The following SYNE1 variants were observed in gnomAD, a reference collection of about 807,000 sequenced individuals.
The protein encoded by SYNE1 is spectrin repeat containing nuclear envelope protein 1.
A neutral mutation model predicts 1,111.0 loss-of-function variants in SYNE1; 616 were observed. That is an observed-to-expected ratio of 0.55 (90% CI 0.52 to 0.59). The LOEUF (loss-of-function observed/expected upper bound fraction) is 0.59. SYNE1 is among the 20% of genes least tolerant of loss of function. The probability of loss-of-function intolerance (pLI) is 0.00; values close to 1 mark genes in which losing one functional copy is unlikely to be tolerated. For synonymous variants in SYNE1, 3,855 were observed against 3,825.8 expected (o/e 1.01, Z -0.28); for missense variants, 10,006 against 10,417.0 (o/e 0.96, Z 1.72).
chr6:152,490,567 T>C (rs548400555), intron 11 of SYNE1, among the ~76,000 whole-genome samples: 86 of 152,162 alleles, frequency 5.7e-4, no homozygotes, highest in Non-Finnish European at 9.7e-4. Context: ...CCTGCCTCTG[T>C]CTGCAAGAGA....
Position 152,350,659 on chromosome 6 carries a change from G to T in SYNE1, c.11692C>A (p.Gln3898Lys), listed in dbSNP as rs768435800. 23 of 1,613,908 alleles carry T rather than the reference G, an allele frequency of 1.4e-5. No individual in the cohort carries two copies. Among genetic ancestry groups the T allele is most frequent in the Non-Finnish European group, 1.9e-5 (23 of 1,180,006 alleles). ...AGGTCCTGGTAATCACTTTGAAGTT[G>T]ATCTATTTTGTCCTTTAAAGTGACG... The part of the protein sequence containing the change: ...QDVTLKDKID[Q>K]LQSDYQDLCS... The change falls in exon 71 of 146, where the codon CAA (glutamine) becomes AAA (lysine). Residue 3898 changes from glutamine (Q) to lysine (K), a missense_variant. Gln to Lys is a moderately conservative substitution (Grantham distance 53, BLOSUM62 1). Around this residue, in one of 7 missense-constraint regions of SYNE1, gnomAD observed 4,955 missense variants for 5,017.2 expected, o/e 0.99. Transcript: ENST00000367255.
At position 152,325,309 on chromosome 6, in the gene SYNE1, T is replaced by C; in HGVS notation, c.15439-7A>G. On this transcript the variant is annotated splice_polypyrimidine_tract_variant and splice_region_variant and intron_variant, in intron 80 of 145. Transcript: ENST00000367255. ...TAACCACTGACACTAAAGCCTAGGG[T>C]TGGGGGTGGAGGACGGAAGAGAGGA... 2 of 1,613,840 alleles carry C rather than the reference T, an allele frequency of 1.2e-6. No homozygotes were observed. The highest frequency in any genetic ancestry group is 1.7e-6 in the Non-Finnish European group (2 of 1,179,802).
intron 139 of SYNE1, 108 bp from the exon 140 acceptor site, chr6:152,140,269 A>G (rs1343927226): frequency 2.7e-6 from 3 of 1,096,808 alleles, no homozygotes; most frequent in Admixed American, 1.8e-5. Context: ...ACAGAAAGAA[A>G]AGTAATTCCA....
At chr6:152,234,228 A>G (rs1368621046) in intron 111 of SYNE1, among the ~76,000 whole-genome samples, 1 of 152,202 alleles carries the variant, frequency 6.6e-6, no homozygotes, top group East Asian at 1.9e-4. Context: ...CATAGTCAAC[A>G]TTAATATATT....
At chr6:152,207,394 G>T (rs1326587121) in intron 125 of SYNE1, among the ~76,000 whole-genome samples, 6 of 152,152 alleles carry the variant, frequency 3.9e-5, no homozygotes, top group African/African-American at 1.4e-4. Context: ...CTGCTGGCAG[G>T]GGGCAGTTGA....
intron 144 of SYNE1, among the ~76,000 whole-genome samples, chr6:152,131,080 T>C (rs1460811285): frequency 6.6e-6 from 1 of 152,148 alleles, no homozygotes; most frequent in African/African-American, 2.4e-5. Flanking sequence ...ATACAATAAA[T>C]GTAAAATGCA....
At chr6:152,277,224 C>G (rs2093689699) in intron 98 of SYNE1, among the ~76,000 whole-genome samples, 1 of 146,804 alleles carries the variant, frequency 6.8e-6, no homozygotes, top group Non-Finnish European at 1.5e-5. Context: ...TCCTCCCCAA[C>G]AAGAAGATTG....
At position 152,450,766 on chromosome 6, in the gene SYNE1, C is replaced by T. The variant is rs745397084; in HGVS notation, c.3254G>A (p.Cys1085Tyr). The change falls in exon 27 of 146, where the codon TGT (cysteine) becomes TAT (tyrosine). Residue 1085 changes from cysteine (C) to tyrosine (Y), a missense_variant. Physicochemically the swap from Cys to Tyr is radical, Grantham distance 194 (BLOSUM62 -2). Transcript: ENST00000367255. The part of the protein sequence containing the change: ...EKRLQLIEEL[C>Y]VKLPVRDPVR... ...TGGGTCCCGCACTGGGAGTTTCACA[C>T]AGAGTTCCTCGATGAGCTGTAACCT... 1 of 1,613,978 alleles carries T rather than the reference C, an allele frequency of 6.2e-7. No individual in the cohort carries two copies. Among genetic ancestry groups the T allele is most frequent in the Non-Finnish European group, 8.5e-7 (1 of 1,180,016 alleles).
At chr6:152,453,875 ATG>A (rs1442014263) in intron 24 of SYNE1, among the ~76,000 whole-genome samples, 155 bp from the exon 25 acceptor site, 1 of 152,186 alleles carries the variant, frequency 6.6e-6, no homozygotes, top group Non-Finnish European at 1.5e-5. Flanking sequence ...AGGATGAACT[ATG>A]TGCACCTATA....
At chr6:152,413,910 A>G (rs1326124185) in intron 41 of SYNE1, among the ~76,000 whole-genome samples, 2 of 151,998 alleles carry the variant, frequency 1.3e-5, no homozygotes, top group Non-Finnish European at 2.9e-5. Context: ...ATGAGGTTCA[A>G]TCCATGTAAA....
Position 152,560,119 on chromosome 6 carries a change from G to A in SYNE1, c.68-20098C>T, listed in dbSNP as rs569448770. Among the ~76,000 whole-genome samples the A allele has an allele frequency of 1.4e-3, 208 of 152,252 alleles. 6 individuals are homozygous for A. In the South Asian group the frequency reaches 0.04, roughly 29 times the overall value. Reference sequence around the variant, plus strand: ...CGAAATCCCAGCACTGTGGGAGGCCGAGGTGGGCAGATCACTTGAGGTCAG... The same window carrying A: ...CGAAATCCCAGCACTGTGGGAGGCCAAGGTGGGCAGATCACTTGAGGTCAG... On this transcript the variant is annotated intron_variant, in intron 3 of 145. Coordinates refer to ENST00000367255, the MANE Select transcript of SYNE1 (RefSeq NM_182961.4).
At chr6:152,506,594 T>G (rs145516164) in intron 8 of SYNE1, among the ~76,000 whole-genome samples, 1 of 151,782 alleles carries the variant, frequency 6.6e-6, no homozygotes, top group Admixed American at 6.6e-5. Flanking sequence ...CAGGCTGGAG[T>G]GCAGTGGCAC....
intron 3 of SYNE1, among the ~76,000 whole-genome samples, chr6:152,575,454 C>T (rs2099492512): frequency 6.6e-6 from 1 of 152,194 alleles, no homozygotes; most frequent in African/African-American, 2.4e-5. Flanking sequence ...CTCCTCATGT[C>T]ATTCTTATCC....
At chr6:152,393,008 T>C (rs2097670376) in intron 51 of SYNE1, among the ~76,000 whole-genome samples, 1 of 152,102 alleles carries the variant, frequency 6.6e-6, no homozygotes, top group Non-Finnish European at 1.5e-5. Flanking sequence ...GTGGAGAACC[T>C]GAATGAGCAG....
At chr6:152,577,701 C>T (rs1257637782) in intron 3 of SYNE1, among the ~76,000 whole-genome samples, 1 of 151,780 alleles carries the variant, frequency 6.6e-6, no homozygotes, top group Non-Finnish European at 1.5e-5. Context: ...ATTTTCCAGA[C>T]GGGAGTTGGA....
intron 130 of SYNE1, among the ~76,000 whole-genome samples, chr6:152,171,992 A>G (rs2065331910): frequency 6.6e-6 from 1 of 152,358 alleles, no homozygotes; most frequent in African/African-American, 2.4e-5. Flanking sequence ...ATTTTAAAAA[A>G]TTACTTGTTT....
At chr6:152,337,883 C>T (rs12660148) in intron 75 of SYNE1, among the ~76,000 whole-genome samples, 10,608 of 152,130 alleles carry the variant, frequency 0.07, 363 homozygotes, top group East Asian at 0.1. Flanking sequence ...AATGGTGGCT[C>T]GTGTCTGTAA....
intron 140 of SYNE1, among the ~76,000 whole-genome samples, 196 bp downstream of exon 140, chr6:152,139,747 AAGAAAAG>A (rs902317445): frequency 2.7e-5 from 4 of 150,886 alleles, no homozygotes; most frequent in African/African-American, 9.8e-5. Context: ...GAAAGAAAGA[AAGAAAAG>A]AAAAAAAAGA....
chr6:152,617,334 T>C (rs541737261), intron 3 of SYNE1, among the ~76,000 whole-genome samples: 1 of 152,356 alleles, frequency 6.6e-6, no homozygotes, highest in South Asian at 2.1e-4. Flanking sequence ...GTGTTTGTTT[T>C]TGTAGAAGTT....
Sources: gnomAD v4.1 joint callset for allele counts (sites outside exome capture counted in the v4.1 genomes callset) on GRCh38, gnomAD v4.1.1 for gene constraint, gnomAD v4.1.1 regional missense constraint, MANE v1.5 for transcripts, NCBI Gene and HGNC (gene_info 2026-07-23, HGNC 2026-07-21) for gene names.